LDHAL6A: variants seen among roughly 807,000 people sequenced by gnomAD.
LDHAL6A encodes lactate dehydrogenase A like 6A.
LDHAL6A carries 19 observed loss-of-function variants against 28.2 expected under a neutral mutation model. That is an observed-to-expected ratio of 0.67 (90% confidence interval 0.47 to 0.99). LDHAL6A has a LOEUF of 0.99. LDHAL6A is among the 50% of genes least tolerant of loss of function. The pLI is 0.00. For missense variants in LDHAL6A, 372 were observed against 398.6 expected, an observed-to-expected ratio of 0.93 and a Z score of 0.57; for synonymous variants, 144 against 134.4, an observed-to-expected ratio of 1.07 and a Z score of -0.49.
intron 1 of LDHAL6A, among the ~76,000 whole-genome samples, chr11:18,462,506 G>A (rs563817181): frequency 0.02 from 3,036 of 151,720 alleles, 36 homozygotes; most frequent in Non-Finnish European, 0.03. Context: ...GTGTGGTGGC[G>A]GGCGCCTGTA....
At chr11:18,465,426 G>GTTT (rs5790038) in intron 2 of LDHAL6A, among the ~76,000 whole-genome samples, 399 of 140,052 alleles carry the variant, frequency 2.8e-3, no homozygotes, top group Middle Eastern at 0.025. Context: ...CATGACTTAC[G>GTTT]TTTTTTTTTT....
intron 3 of LDHAL6A, among the ~76,000 whole-genome samples, chr11:18,472,357 T>A (rs985398129): frequency 6.6e-6 from 1 of 152,248 alleles, no homozygotes; most frequent in African/African-American, 2.4e-5. Flanking sequence ...ATGATCAGAC[T>A]GTTTCAGTAT....
At chr11:18,467,417 C>G (rs768390642) in intron 3 of LDHAL6A, among the ~76,000 whole-genome samples, 14 of 152,070 alleles carry the variant, frequency 9.2e-5, no homozygotes, top group South Asian at 2.1e-4. Flanking sequence ...CTTTTTGTTA[C>G]TACATACGTT....
chr11:18,478,676 A>C, intron 6 of LDHAL6A, 30 bp from the exon 7 acceptor site: 1 of 1,566,386 alleles, frequency 6.4e-7, no homozygotes, highest in Non-Finnish European at 8.7e-7. Context: ...TTTGTTAAAA[A>C]AGGAATAATT....
At position 18,468,036 on chromosome 11, in the gene LDHAL6A, T is replaced by C. The variant is rs12788352; in HGVS notation, c.418+2226T>C. On this transcript the variant is annotated intron_variant, in intron 3 of 6. Coordinates refer to ENST00000280706, the MANE Select transcript of LDHAL6A (RefSeq NM_144972.5). ...ATACATATATATACGTATATATATA[T>C]ACATATATATACGTATATATATATA... Among the ~76,000 whole-genome samples, 92 of 15,136 alleles carry C rather than the reference T, an allele frequency of 6.1e-3. 5 individuals are homozygous for C. The highest frequency in any genetic ancestry group is 0.04 in the East Asian group (10 of 252). 9.9% of individuals were successfully genotyped at this position (15,136 alleles called of 152,430 possible).
chr11:18,476,641 T>C (rs1311705859), intron 5 of LDHAL6A, 140 bp downstream of exon 5: 2 of 1,429,296 alleles, frequency 1.4e-6, no homozygotes, highest in Non-Finnish European at 1.8e-6. Context: ...TGTGTGATCA[T>C]ATTCACCAGA....
At chr11:18,465,843 A>C (rs371906831) in intron 3 of LDHAL6A, 33 bp downstream of exon 3, 1 of 1,552,384 alleles carries the variant, frequency 6.4e-7, no homozygotes, top group Non-Finnish European at 8.9e-7. Context: ...TTCAACTTTT[A>C]GATTCGGGGG....
At chr11:18,469,799 T>TA (rs1232686690) in intron 3 of LDHAL6A, among the ~76,000 whole-genome samples, 1 of 152,148 alleles carries the variant, frequency 6.6e-6, no homozygotes, top group Non-Finnish European at 1.5e-5. Flanking sequence ...CTTCAAAAGT[T>TA]AAGAGAAACA....
chr11:18,456,878 T>C, intron 1 of LDHAL6A, 72 bp downstream of exon 1: 1 of 1,497,678 alleles, frequency 6.7e-7, no homozygotes, highest in Non-Finnish European at 9.0e-7. Context: ...GTTGTGGAGG[T>C]TGTGTCCAGT....
intron 3 of LDHAL6A, among the ~76,000 whole-genome samples, chr11:18,474,245 ATTT>A (rs1357365083): frequency 6.6e-6 from 1 of 151,082 alleles, no homozygotes; most frequent in African/African-American, 2.4e-5. Flanking sequence ...CGCCTGGCTA[ATTT>A]TTTTATTTTT....
intron 6 of LDHAL6A, among the ~76,000 whole-genome samples, chr11:18,478,232 GCAAA>G (rs1341862989): frequency 1.3e-5 from 2 of 152,160 alleles, no homozygotes; most frequent in Non-Finnish European, 2.9e-5. Context: ...CTAGATCACT[GCAAA>G]CAAAGTCATA....
chr11:18,464,003 A>C lies in LDHAL6A; in HGVS notation c.169A>C (p.Lys57Gln). The change falls in exon 2 of 7, where the codon AAA (lysine) becomes CAA (glutamine). Residue 57 changes from lysine to glutamine, a missense_variant. By Grantham distance (53) the Lys-to-Gln change is moderately conservative. Coordinates refer to ENST00000280706, the MANE Select transcript of LDHAL6A (RefSeq NM_144972.5). The part of the protein sequence containing the change: ...ELVLVDVDEG[K>Q]LKGETMDLQH... ...TGTCCTTGTGGATGTTGATGAAGGC[A>C]AACTGAAGGGTGAGACAATGGATCT... 1 of 1,614,062 alleles carries C rather than the reference A, an allele frequency of 6.2e-7. No individual in the cohort carries two copies. The highest frequency in any genetic ancestry group is 8.5e-7 in the Non-Finnish European group (1 of 1,179,940).
intron 3 of LDHAL6A, among the ~76,000 whole-genome samples, chr11:18,475,010 G>A (rs1484964550): frequency 6.6e-6 from 1 of 152,136 alleles, no homozygotes; most frequent in Non-Finnish European, 1.5e-5. Flanking sequence ...GGAGGCCAAG[G>A]TAGGTGAATC....
At chr11:18,466,284 G>C (rs958876518) in intron 3 of LDHAL6A, among the ~76,000 whole-genome samples, 1 of 65,702 alleles carries the variant, frequency 1.5e-5, no homozygotes, top group Non-Finnish European at 3.5e-5. Flanking sequence ...TATAATTCCA[G>C]AATCTCTGTT....
chr11:18,456,797 C>G lies in LDHAL6A; in HGVS notation c.117C>G (p.Ile39Met). 2 of 1,612,538 alleles carry G rather than the reference C, an allele frequency of 1.2e-6. No individual in the cohort carries two copies. The highest frequency in any genetic ancestry group is 1.1e-5 in the South Asian group (1 of 90,678). ...TTGGTGTGGCTTGTGCTATCAGCAT[C>G]TTATTAAAAGTAAGTTGTGTGCTCT... ...GSVGVACAIS[I>M]LLKGLSDELV... Residue 39 changes from isoleucine to methionine, a missense_variant, in exon 1 of 7, where the codon ATC (isoleucine) becomes ATG (methionine). Around this residue, in one of 3 missense-constraint regions of LDHAL6A, gnomAD observed 77 missense variants for 77.9 expected, o/e 0.99. Transcript: ENST00000280706.
chr11:18,462,380 G>A (rs1848936771), intron 1 of LDHAL6A, among the ~76,000 whole-genome samples: 1 of 152,084 alleles, frequency 6.6e-6, no homozygotes, highest in South Asian at 2.1e-4. Flanking sequence ...TCTCATGCCT[G>A]TAATCCCAGC....
At chr11:18,476,280 A>T in intron 4 of LDHAL6A, 104 bp from the exon 5 acceptor site, 1 of 1,305,024 alleles carries the variant, frequency 7.7e-7, no homozygotes, top group Non-Finnish European at 1.0e-6. Flanking sequence ...GAACATTCCT[A>T]GTTGGAAATC....
intron 1 of LDHAL6A, 46 bp downstream of exon 1, chr11:18,456,852 G>A (rs1255756660): frequency 1.1e-5 from 17 of 1,585,450 alleles, no homozygotes; most frequent in South Asian, 2.3e-5. Flanking sequence ...AGTTGGAGGC[G>A]AGGCCACAGC....
chr11:18,476,406 C>T lies in LDHAL6A; in HGVS notation c.615C>T (p.Asn205=). ...TAGTTCCTGTGTGGAGTGGTGTGAACATTGCTGGCGTCCCTCTGAAGGATC... is the reference window on the plus strand; with the variant it reads ...TAGTTCCTGTGTGGAGTGGTGTGAATATTGCTGGCGTCCCTCTGAAGGATC... ...DSSVPVWSGV[N]IAGVPLKDLN... The change falls in exon 5 of 7, where the codon AAC becomes AAT. Residue 205 remains asparagine (N), a synonymous_variant. Coordinates refer to ENST00000280706, the MANE Select transcript of LDHAL6A (RefSeq NM_144972.5). 2 of 1,613,920 alleles carry T rather than the reference C, an allele frequency of 1.2e-6. No homozygotes were observed. The highest frequency in any genetic ancestry group is 8.5e-7 in the Non-Finnish European group (1 of 1,179,920).
Sources: gnomAD v4.1 joint callset for allele counts (sites outside exome capture counted in the v4.1 genomes callset) on GRCh38, gnomAD v4.1.1 for gene constraint, gnomAD v4.1.1 regional missense constraint, MANE v1.5 for transcripts, NCBI Gene and HGNC (gene_info 2026-07-23, HGNC 2026-07-21) for gene names.